Variants in UGT2B11 observed in about 807,000 individuals in gnomAD.
The protein encoded by UGT2B11 is UDP glucuronosyltransferase family 2 member B11.
In UGT2B11, 49 loss-of-function variants were observed where a neutral mutation model predicts 51.7. The observed-to-expected ratio is 0.95, with a 90% confidence interval of 0.75 to 1.20. The LOEUF (loss-of-function observed/expected upper bound fraction) is 1.20. Ranked by LOEUF, UGT2B11 falls within the 50% of genes most tolerant of loss-of-function variation. The pLI, the probability that UGT2B11 is intolerant of heterozygous loss-of-function variation, is 0.00. For missense variants in UGT2B11, 810 were observed against 622.1 expected (o/e 1.30, Z -3.21); for synonymous variants, 273 against 209.0 (o/e 1.31, Z -2.64).
chr4:69,215,263 G>A (rs546938700), upstream of UGT2B11: 8 of 152,408 alleles, frequency 5.2e-5, no homozygotes, highest in African/African-American at 1.7e-4. Flanking sequence ...CTGTGTATTA[G>A]TTCTCATCTC....
At chr4:69,211,053 G>T (rs1722040962) in intron 2 of UGT2B11, 1 of 151,464 alleles carries the variant, frequency 6.6e-6, no homozygotes, top group Non-Finnish European at 1.5e-5. Flanking sequence ...CTATCTCTGT[G>T]CTTCTCTGTC....
At position 69,214,176 on chromosome 4, in the gene UGT2B11, G is replaced by T; in HGVS notation, c.547C>A (p.His183Asn). The T allele has an allele frequency of 1.9e-6, 3 of 1,612,942 alleles. No homozygotes were observed. Among genetic ancestry groups the T allele is most frequent in the Non-Finnish European group, 2.5e-6 (3 of 1,179,366 alleles). The change falls in exon 1 of 6, where the codon CAC becomes AAC. Residue 183 changes from histidine to asparagine, a missense_variant. His to Asn is a moderately conservative substitution (Grantham distance 68). Transcript: ENST00000446444. Reference sequence around the variant, plus strand: ...GGAGGGAAAATCAGTCCTCCACTGTGCCTTTCAATTGTGTAGCCAGGAGTA... The same window carrying T: ...GGAGGGAAAATCAGTCCTCCACTGTTCCTTTCAATTGTGTAGCCAGGAGTA... ...RFTPGYTIER[H>N]SGGLIFPPSY...
At chr4:69,209,693 T>C (rs1037414034) in intron 2 of UGT2B11, among the ~76,000 whole-genome samples, 1 of 151,612 alleles carries the variant, frequency 6.6e-6, no homozygotes, top group African/African-American at 2.4e-5. Flanking sequence ...ACGTAATACC[T>C]GGGGCTTCTA....
In UGT2B11 at chr4:69,200,405, C is replaced by CA. The variant is rs1721605731; in HGVS notation, c.*34_*35insT. 1 of 1,539,282 alleles carries CA rather than the reference C, an allele frequency of 6.5e-7. No homozygotes were observed. The highest frequency in any genetic ancestry group is 1.4e-5 in the African/African-American group (1 of 71,172). On this transcript the variant is annotated 3_prime_UTR_variant, in exon 6 of 6. Coordinates refer to ENST00000446444, the MANE Select transcript of UGT2B11 (RefSeq NM_001073.3). Reference sequence around the variant, plus strand: ...CTGGAATAAACTGAAGTTGTCCTATCTATCTGGTTTTCCAGCTTCAAATGT... The same window carrying CA: ...CTGGAATAAACTGAAGTTGTCCTATCATATCTGGTTTTCCAGCTTCAAATGT...
rs1346195724 is a variant in UGT2B11, at chr4:69,204,596, C to T, written c.1144G>A (p.Glu382Lys). Reference protein sequence around the residue: ...ITHGGANGIYEAIYHGIPMVG... With the variant: ...ITHGGANGIYKAIYHGIPMVG... ...ATAGGGATCCCATGGTAGATTGCCT[C>T]ATAGATGCCATTGGCTCCACCATGA... Residue 382 changes from glutamate (E) to lysine (K), a missense_variant, in exon 5 of 6, where the codon GAG (glutamate) becomes AAG (lysine). Glu to Lys is a moderately conservative substitution (Grantham distance 56). Coordinates refer to ENST00000446444, the MANE Select transcript of UGT2B11 (RefSeq NM_001073.3). 3 of 1,612,068 alleles carry T rather than the reference C, an allele frequency of 1.9e-6. No homozygotes were observed. Among genetic ancestry groups the T allele is most frequent in the Non-Finnish European group, 2.5e-6 (3 of 1,178,744 alleles).
At chr4:69,224,603 C>T in the UGT2B11 span, among the ~76,000 whole-genome samples, 1 of 152,054 alleles carries the variant, frequency 6.6e-6, no homozygotes, top group Non-Finnish European at 1.5e-5. Context: ...TCATACTCAC[C>T]ACGTGACGAT....
At chr4:69,209,752 G>A (rs909982271) in intron 2 of UGT2B11, among the ~76,000 whole-genome samples, 5 of 151,360 alleles carry the variant, frequency 3.3e-5, no homozygotes, top group Admixed American at 1.3e-4. Flanking sequence ...AATGTAACTC[G>A]TTTTCAGTGT....
chr4:69,220,222 A>T, the UGT2B11 span, among the ~76,000 whole-genome samples: 1 of 150,990 alleles, frequency 6.6e-6, no homozygotes, highest in East Asian at 2.0e-4. Context: ...TACAGGTCAC[A>T]CTGATATAAG....
the UGT2B11 span, among the ~76,000 whole-genome samples, chr4:69,222,591 C>G: frequency 6.6e-6 from 1 of 152,182 alleles, no homozygotes; most frequent in Non-Finnish European, 1.5e-5. Flanking sequence ...ACCATAGATC[C>G]CCAAATTACC....
At chr4:69,204,334 G>T (rs1012655829) in intron 5 of UGT2B11, 96 bp downstream of exon 5, 10 of 1,522,524 alleles carry the variant, frequency 6.6e-6, no homozygotes, top group Non-Finnish European at 8.0e-6. Context: ...ATTCTTTCAA[G>T]ATTACTCTCT....
intron 1 of UGT2B11, 73 bp from the exon 2 acceptor site, chr4:69,212,794 A>G: frequency 6.6e-7 from 1 of 1,504,050 alleles, no homozygotes; most frequent in South Asian, 1.4e-5. Context: ...GAAAAAGGTT[A>G]GAACAATGTA....
At chr4:69,222,001 A>G in the UGT2B11 span, among the ~76,000 whole-genome samples, 1 of 152,272 alleles carries the variant, frequency 6.6e-6, no homozygotes, top group Non-Finnish European at 1.5e-5. Flanking sequence ...TGCAAACCGC[A>G]CTGATAACAA....
At chr4:69,221,694 G>A in the UGT2B11 span, among the ~76,000 whole-genome samples, 30,699 of 132,552 alleles carry the variant, frequency 0.23, 3,238 homozygotes, top group Middle Eastern at 0.3. Context: ...AAGATTCCTC[G>A]GATAGAAACA....
chr4:69,213,952 A>G (rs909873820), intron 1 of UGT2B11, 50 bp downstream of exon 1: 2 of 1,502,864 alleles, frequency 1.3e-6, no homozygotes. Flanking sequence ...CTCTGCTTCA[A>G]AGACACAAAT....
the UGT2B11 span, among the ~76,000 whole-genome samples, chr4:69,223,561 C>A: frequency 6.6e-6 from 1 of 152,216 alleles, no homozygotes; most frequent in East Asian, 1.9e-4. Context: ...TCCAGGGTGG[C>A]AAGGCCTGGG....
rs762758397 is a variant in UGT2B11 at position 69,214,239 on chromosome 4, C to G, written c.484G>C (p.Ala162Pro). 3.1e-6 allele frequency: 5 copies of G among 1,613,152 alleles called. No homozygotes were observed. The highest frequency in any genetic ancestry group is 3.4e-6 in the Non-Finnish European group (4 of 1,179,498). The change falls in exon 1 of 6, where the codon GCG becomes CCG. Residue 162 changes from alanine to proline, a missense_variant. By Grantham distance (27) the Ala-to-Pro change is conservative. Transcript: ENST00000446444. ...AVFPCGELLAALLNIRFVYSL... is the reference protein window; with the variant it reads ...AVFPCGELLAPLLNIRFVYSL... ...TACACAAACCGTATGTTAAGTAGCG[C>G]AGCCAGCAGCTCACCACAGGGAAAA... is the stretch of plus-strand genomic sequence containing the variant.
intron 2 of UGT2B11, among the ~76,000 whole-genome samples, chr4:69,212,089 C>A (rs946893729): frequency 6.6e-6 from 1 of 151,434 alleles, no homozygotes; most frequent in African/African-American, 2.4e-5. Flanking sequence ...AGGATACTTT[C>A]TATTATCTCC....
At position 69,214,299 on chromosome 4, in the gene UGT2B11, C is replaced by A. The variant is rs1180853917; in HGVS notation, c.424G>T (p.Glu142Ter). ...SNKKVMKKLQESRFDIVFADA... is the reference protein window; with the variant it reads ...SNKKVMKKLQ ...GCAAAAACGATGTCAAATCTTGACT[C>A]TTGTAGTTTTTTCATAACTTTCTTA... The change falls in exon 1 of 6, where the codon GAG becomes TAG. Residue 142 changes from glutamate (E) to a stop codon, truncating the protein, a stop_gained. Transcript: ENST00000446444. LOFTEE classifies it high-confidence loss of function. The A allele has an allele frequency of 1.2e-6, 2 of 1,613,160 alleles. No homozygotes were observed. Among genetic ancestry groups the A allele is most frequent in the South Asian group, 1.1e-5 (1 of 91,064 alleles).
chr4:69,208,261 A>T (rs1721930894), intron 3 of UGT2B11, 90 bp downstream of exon 3: 1 of 1,581,390 alleles, frequency 6.3e-7, no homozygotes, highest in Non-Finnish European at 8.6e-7. Flanking sequence ...TAAAGAGTTC[A>T]CTCTACTCTT....
Sources: allele counts gnomAD v4.1 joint callset (sites outside exome capture counted in the v4.1 genomes callset), GRCh38; gene constraint gnomAD v4.1.1; transcripts MANE v1.5; gene names NCBI Gene and HGNC (gene_info 2026-07-23, HGNC 2026-07-21).